COLEC10: variants seen among roughly 807,000 people sequenced by gnomAD.
The protein encoded by COLEC10 is collectin subfamily member 10.
Under a neutral mutation model 28.4 loss-of-function variants are expected in COLEC10, and 22 were observed. That is an observed-to-expected ratio of 0.78 (90% confidence interval 0.55 to 1.11). The LOEUF (loss-of-function observed/expected upper bound fraction) is 1.11, where lower values mean the gene tolerates loss of function less well. Among genes scored for constraint, COLEC10 ranks in the 50% least tolerant of loss-of-function variants. COLEC10 has a pLI of 0.00. For synonymous variants in COLEC10, 125 were observed against 116.1 expected (o/e 1.08, Z -0.49); for missense variants, 361 against 344.1 (o/e 1.05, Z -0.39).
At chr8:119,020,003 G>C (rs185951330) in intron 2 of COLEC10, among the ~76,000 whole-genome samples, 66 of 152,236 alleles carry the variant, frequency 4.3e-4, no homozygotes, top group African/African-American at 1.5e-3. Context: ...TCTCACACAA[G>C]GTCCAGATCA....
chr8:119,087,310 C>T (rs1815499777), intron 1 of COLEC10, among the ~76,000 whole-genome samples: 1 of 152,122 alleles, frequency 6.6e-6, no homozygotes, highest in African/African-American at 2.4e-5. Flanking sequence ...TACACCGACA[C>T]ATTTGGTATA....
chr8:119,011,007 G>T (rs1314286489), intron 2 of COLEC10, among the ~76,000 whole-genome samples: 1 of 150,860 alleles, frequency 6.6e-6, no homozygotes, highest in East Asian at 1.9e-4. Flanking sequence ...ATGAAGTTCA[G>T]CTTATCAATT....
upstream of COLEC10, chr8:118,995,356 T>C (rs1813572324): frequency 6.6e-6 from 1 of 152,180 alleles, no homozygotes; most frequent in Non-Finnish European, 1.5e-5. Context: ...TCTCCACAGA[T>C]ATGCTAAATC....
At chr8:119,035,960 TA>T (rs1341587492) in intron 2 of COLEC10, among the ~76,000 whole-genome samples, 1 of 152,196 alleles carries the variant, frequency 6.6e-6, no homozygotes, top group African/African-American at 2.4e-5. Flanking sequence ...GGAGTTTTTT[TA>T]CTTCCTCTGA....
chr8:119,067,509 A>G (rs2465383), intron 1 of COLEC10, 80 bp downstream of exon 1: 572,578 of 1,353,120 alleles, frequency 0.42, 124,013 homozygotes, highest in Non-Finnish European at 0.45. Flanking sequence ...CTAGATTTCA[A>G]TGACTTTCTC....
Position 119,107,579 on chromosome 8 carries a change from G to T in COLEC10, c.*1388G>T, listed in dbSNP as rs1021413153. Among the ~76,000 whole-genome samples, 1 of 152,138 alleles carries T rather than the reference G, an allele frequency of 6.6e-6. No individual in the cohort carries two copies. The highest frequency in any genetic ancestry group is 1.5e-5 in the Non-Finnish European group (1 of 68,030). The stretch of plus-strand genomic sequence containing the variant: ...AAACCATCTGTTCATGATTTCACCC[G>T]TGACTAACTGGTTATGAGATAGGAC... On this transcript the variant is annotated 3_prime_UTR_variant, in exon 6 of 6. Transcript: ENST00000332843.
the COLEC10 span, among the ~76,000 whole-genome samples, chr8:118,969,372 T>C: frequency 1.3e-5 from 2 of 152,058 alleles, no homozygotes; most frequent in Non-Finnish European, 2.9e-5. Flanking sequence ...TGGAGACTCA[T>C]GGATCATCAA....
chr8:119,044,196 T>C (rs144747318), intron 2 of COLEC10, among the ~76,000 whole-genome samples: 121 of 152,350 alleles, frequency 7.9e-4, no homozygotes, highest in African/African-American at 2.8e-3. Flanking sequence ...GAGGTTTATA[T>C]ATGGTCACCC....
intron 1 of COLEC10, 51 bp downstream of exon 1, chr8:119,067,480 C>G (rs1814994561): frequency 6.5e-7 from 1 of 1,541,786 alleles, no homozygotes; most frequent in African/African-American, 1.4e-5. Flanking sequence ...GATATCTTCC[C>G]TCATCTCTGA....
the COLEC10 span, among the ~76,000 whole-genome samples, chr8:118,973,641 A>G: frequency 2.0e-5 from 3 of 152,106 alleles, no homozygotes; most frequent in South Asian, 2.1e-4. Flanking sequence ...ACCACATTTT[A>G]TTGGTTATAA....
the COLEC10 span, among the ~76,000 whole-genome samples, chr8:118,960,566 C>T: frequency 4.6e-5 from 7 of 151,964 alleles, no homozygotes; most frequent in African/African-American, 1.2e-4. Flanking sequence ...GGGTGGATCA[C>T]GAGGTCGAGA....
chr8:118,995,723 T>A (rs891390537), intron 1 of COLEC10: 1 of 152,174 alleles, frequency 6.6e-6, no homozygotes, highest in Non-Finnish European at 1.5e-5. Flanking sequence ...GAATCCTAGA[T>A]GCTACTGTAT....
At chr8:118,975,441 T>C in the COLEC10 span, among the ~76,000 whole-genome samples, 1 of 152,080 alleles carries the variant, frequency 6.6e-6, no homozygotes, top group South Asian at 2.1e-4. Context: ...AAAAGGCATA[T>C]AACTCATTGT....
upstream of COLEC10, chr8:119,067,101 G>GTACA: frequency 3.5e-6 from 2 of 576,994 alleles, no homozygotes; most frequent in South Asian, 4.4e-5. Flanking sequence ...GACAATGTAT[G>GTACA]GTCCATTTGG....
chr8:119,050,314 AT>A (rs1270690758), intron 2 of COLEC10, among the ~76,000 whole-genome samples: 1 of 152,244 alleles, frequency 6.6e-6, no homozygotes. Flanking sequence ...AAGGAAAAAA[AT>A]AAATAAGGTT....
chr8:119,098,807 G>A (rs1815768389), intron 3 of COLEC10, among the ~76,000 whole-genome samples: 1 of 151,936 alleles, frequency 6.6e-6, no homozygotes, highest in African/African-American at 2.4e-5. Context: ...TCAAATTTAT[G>A]AGCATGTCCT....
At chr8:119,025,212 GA>G (rs1814169290) in intron 2 of COLEC10, among the ~76,000 whole-genome samples, 2 of 152,164 alleles carry the variant, frequency 1.3e-5, no homozygotes, top group Non-Finnish European at 2.9e-5. Context: ...AAGGGATACT[GA>G]AGAATCTGGC....
chr8:119,084,345 TC>T (rs772935665), intron 1 of COLEC10, among the ~76,000 whole-genome samples: 1 of 152,192 alleles, frequency 6.6e-6, no homozygotes, highest in Admixed American at 6.5e-5. Flanking sequence ...CAATACGTCA[TC>T]CCACCTTTCC....
chr8:119,100,825 T>C (rs984173415), intron 3 of COLEC10, among the ~76,000 whole-genome samples: 1 of 152,172 alleles, frequency 6.6e-6, no homozygotes, highest in African/African-American at 2.4e-5. Context: ...CTCCTGCACA[T>C]GTAAACTGTA....
Sources: gnomAD v4.1 joint callset for allele counts (sites outside exome capture counted in the v4.1 genomes callset) on GRCh38, gnomAD v4.1.1 for gene constraint, MANE v1.5 for transcripts, NCBI Gene and HGNC (gene_info 2026-07-23, HGNC 2026-07-21) for gene names.